EEF2: variants seen among roughly 807,000 people sequenced by gnomAD.
EEF2 encodes the protein elongation factor 2.
A neutral mutation model predicts 85.3 loss-of-function variants in EEF2; 21 were observed. That is an observed-to-expected ratio of 0.25 (90% confidence interval 0.17 to 0.35). The LOEUF is 0.35. EEF2 is among the 10% of genes least tolerant of loss of function. The pLI is 1.00. For missense variants in EEF2, 825 were observed against 1,225.3 expected (o/e 0.67, Z 4.88); for synonymous variants, 723 against 508.8 (o/e 1.42, Z -5.67).
intron 2 of EEF2, 98 bp downstream of exon 2, chr19:3,984,038 G>T: frequency 1.6e-6 from 2 of 1,283,002 alleles, no homozygotes; most frequent in South Asian, 2.6e-5. Context: ...AGGGGAAAGA[G>T]ACGTTGCCAA....
intron 10 of EEF2, 118 bp from the exon 11 acceptor site, chr19:3,979,554 G>A: frequency 2.0e-6 from 2 of 1,001,922 alleles, no homozygotes; most frequent in South Asian, 1.5e-5. Context: ...GAAGGTGCTG[G>A]GAAACTGGGA....
At chr19:3,982,628 A>C in intron 4 of EEF2, 179 bp downstream of exon 4, 1 of 1,059,552 alleles carries the variant, frequency 9.4e-7, no homozygotes, top group Non-Finnish European at 1.4e-6. Context: ...CGTCTCTTCC[A>C]GCTGCCCAAA....
intron 10 of EEF2, 125 bp downstream of exon 10, chr19:3,979,683 G>A (rs189363151): frequency 9.9e-5 from 141 of 1,428,332 alleles, no homozygotes; most frequent in African/African-American, 1.4e-4. Context: ...CCACAGCCAA[G>A]AACCCCTCCT....
intron 10 of EEF2, 91 bp from the exon 11 acceptor site, chr19:3,979,527 C>A: frequency 8.6e-7 from 1 of 1,167,714 alleles, no homozygotes; most frequent in South Asian, 1.4e-5. Flanking sequence ...GGGACCCCGC[C>A]AGAACAAGAT....
At chr19:3,979,687 CCCT>C (rs1165928894) in intron 10 of EEF2, 118 bp downstream of exon 10, 1 of 1,440,440 alleles carries the variant, frequency 6.9e-7, no homozygotes, top group East Asian at 2.3e-5. Context: ...AGCCAAGAAC[CCCT>C]CCTTTCATGA....
rs1334034210 is a variant in EEF2, at chr19:3,980,588, G to A, written c.1272C>T (p.Gly424=). The A allele has an allele frequency of 1.9e-6, 3 of 1,614,098 alleles. No individual in the cohort carries two copies. Among genetic ancestry groups the A allele is most frequent in the African/African-American group, 2.7e-5 (2 of 74,932 alleles). ...TGGGCCCCATGATCCTGACCTTCAG[G>A]CCAGTGGAGACCAGCCCCGAGAAGA... is the stretch of plus-strand genomic sequence containing the variant. The part of the protein sequence containing the change: ...GRVFSGLVST[G]LKVRIMGPNY... The change falls in exon 9 of 15, where the codon GGC becomes GGT. Residue 424 remains glycine, a synonymous_variant. Transcript: ENST00000309311.
At chr19:3,982,447 G>A (rs1368069469) in intron 4 of EEF2, 23 bp from the exon 5 acceptor site, 3 of 1,613,668 alleles carry the variant, frequency 1.9e-6, no homozygotes, top group South Asian at 2.2e-5. Context: ...GAAACGAGAA[G>A]CAGCCGTGAG....
At chr19:3,982,445 A>C (rs373111314) in intron 4 of EEF2, 21 bp from the exon 5 acceptor site, 15 of 1,613,622 alleles carry the variant, frequency 9.3e-6, no homozygotes, top group African/African-American at 1.3e-5. Flanking sequence ...GAGAAACGAG[A>C]AGCAGCCGTG....
chr19:3,980,899 G>C lies in EEF2; in HGVS notation c.1092C>G (p.Ala364=). 1 of 1,564,936 alleles carries C rather than the reference G, an allele frequency of 6.4e-7. No individual in the cohort carries two copies. Among genetic ancestry groups the C allele is most frequent in the African/African-American group, 1.4e-5 (1 of 73,926 alleles). The change falls in exon 8 of 15, where the codon GCC becomes GCG. Residue 364 remains alanine, a synonymous_variant. Transcript: ENST00000309311. ...ACAGGAGCTCGCAGCGGTACTTCTG[G>C]GCCGTCACAGGGGAGGGCAGGTGGA... ...ITIHLPSPVT[A]QKYRCELLYE... is the part of the protein sequence containing the mutation.
At chr19:3,985,301 C>A (rs2039806274) in intron 1 of EEF2, 77 bp downstream of exon 1, 5 of 1,326,528 alleles carry the variant, frequency 3.8e-6, no homozygotes, top group South Asian at 2.0e-5. Context: ...GGGGCCCCAG[C>A]GTCCCAGGCT....
chr19:3,977,800 A>G lies in EEF2; in HGVS notation c.2067+19T>C. 6.4e-7 allele frequency: 1 copy of G among 1,563,608 alleles called. No homozygotes were observed. The highest frequency in any genetic ancestry group is 8.7e-7 in the Non-Finnish European group (1 of 1,150,130). Reference sequence around the variant, plus strand: ...GCCTGGAAACGGGTGTGGTCTGCACATGCTGAGCCGTGCCTCACCTCCTTG... The same window carrying G: ...GCCTGGAAACGGGTGTGGTCTGCACGTGCTGAGCCGTGCCTCACCTCCTTG... On this transcript the variant is annotated intron_variant, in intron 12 of 14. Coordinates refer to ENST00000309311, the MANE Select transcript of EEF2 (RefSeq NM_001961.4). This position sits in a 1 kb window ranked among gnomAD's most constrained non-coding sequence, Gnocchi z 5.4.
At chr19:3,982,632 G>A in intron 4 of EEF2, 175 bp downstream of exon 4, 1 of 1,072,606 alleles carries the variant, frequency 9.3e-7, no homozygotes. Context: ...TCTTCCAGCT[G>A]CCCAAAGATC....
At position 3,982,819 on chromosome 19, in the gene EEF2, C is replaced by A. The variant is rs2039772373; in HGVS notation, c.600G>T (p.Met200Ile). The A allele has an allele frequency of 6.2e-7, 1 of 1,611,202 alleles. No homozygotes were observed. The highest frequency in any genetic ancestry group is 8.5e-7 in the Non-Finnish European group (1 of 1,179,266). ...STYGEGESGP[M>I]GNIMIDPVLG... ...GGGAGGGCCGTACCATGATGTTGCC[C>A]ATGGGGCCGCTCTCGCCCTCGCCGT... Residue 200 changes from methionine to isoleucine, a missense_variant, in exon 4 of 15, where the codon ATG (methionine) becomes ATT (isoleucine). Met to Ile is a conservative substitution (Grantham distance 10). Coordinates refer to ENST00000309311, the MANE Select transcript of EEF2 (RefSeq NM_001961.4).
chr19:3,981,661 C>T (rs2039749140), intron 6 of EEF2, among the ~76,000 whole-genome samples: 1 of 152,240 alleles, frequency 6.6e-6, no homozygotes, highest in South Asian at 2.1e-4. Flanking sequence ...AAAGCCCACT[C>T]TGACTCAGAC....
Position 3,985,434 on chromosome 19 carries a change from C to G in EEF2, c.-54G>C, listed in dbSNP as rs1196793724. On this transcript the variant is annotated 5_prime_UTR_variant, in exon 1 of 15. Coordinates refer to ENST00000309311, the MANE Select transcript of EEF2 (RefSeq NM_001961.4). ...GTAGAACCGAAAGAAGCGAGTCGCG[C>G]CGAGGATGGCGGCGACGACGGCGGA... 5.2e-5 allele frequency: 76 copies of G among 1,456,620 alleles called. No individual in the cohort carries two copies. Among genetic ancestry groups the G allele is most frequent in the Non-Finnish European group, 5.2e-5 (57 of 1,098,748 alleles). 90.2% of individuals were successfully genotyped at this position (1,456,620 alleles called of 1,614,324 possible).
chr19:3,984,483 G>A lies in EEF2; in HGVS notation c.4-133C>T, dbSNP rs1033281649. 10 of 921,650 alleles carry A rather than the reference G, an allele frequency of 1.1e-5. No individual in the cohort carries two copies. The Admixed American group carries it at 1.1e-4, about 10-fold the overall frequency. 57.1% of individuals were successfully genotyped at this position (921,650 alleles called of 1,614,324 possible). On this transcript the variant is annotated intron_variant, in intron 1 of 14. Transcript: ENST00000309311. ...GGTGCTGGGGTGCCCCAAGCCCACC[G>A]AATCTTGCCAGCCTAACACCCCTTA...
At position 3,976,606 on chromosome 19, in the gene EEF2, T is replaced by C; in HGVS notation, c.2525A>G (p.Lys842Arg). 1 of 1,610,814 alleles carries C rather than the reference T, an allele frequency of 6.2e-7. No homozygotes were observed. Among genetic ancestry groups the C allele is most frequent in the Non-Finnish European group, 8.5e-7 (1 of 1,178,768 alleles). The change falls in exon 15 of 15, where the codon AAG becomes AGG. Residue 842 changes from lysine to arginine, a missense_variant. Physicochemically the swap from Lys to Arg is conservative, Grantham distance 26. Transcript: ENST00000309311. ...GGCAGGGATGCCTTCTTTCAGGCCC[T>C]TGCGCTTGCGGGTCTCCGCCACCAC... ...SQVVAETRKR[K>R]GLKEGIPALD...
Position 3,981,991 on chromosome 19 carries a change from G to A in EEF2, c.853C>T (p.Leu285=). 2 of 1,614,216 alleles carry A rather than the reference G, an allele frequency of 1.2e-6. No individual in the cohort carries two copies. Among genetic ancestry groups the A allele is most frequent in the Non-Finnish European group, 1.7e-6 (2 of 1,180,032 alleles). Residue 285 remains leucine (L), a synonymous_variant, in exon 6 of 15, where the codon CTG becomes TTG. Coordinates refer to ENST00000309311, the MANE Select transcript of EEF2 (RefSeq NM_001961.4). ...KSATSPEGKK[L]PRTFCQLILD... ...ATCAGCTGGCAGAAGGTGCGTGGCA[G>A]CTTCTTCCCTTCGGGGCTGGTGGCT...
At chr19:3,984,078 C>T in intron 2 of EEF2, 58 bp downstream of exon 2, 22 of 1,588,834 alleles carry the variant, frequency 1.4e-5, no homozygotes, top group Non-Finnish European at 1.9e-5. Flanking sequence ...GGCCCAGTGG[C>T]CTCCAGCTGC....
Sources: allele counts gnomAD v4.1 joint callset (sites outside exome capture counted in the v4.1 genomes callset), GRCh38; gene constraint gnomAD v4.1.1; non-coding constraint Gnocchi (gnomAD v3.1); transcripts MANE v1.5; gene names NCBI Gene and HGNC (gene_info 2026-07-23, HGNC 2026-07-21).